The following RAB21 variants were observed in gnomAD, a reference collection of about 807,000 sequenced individuals.
The protein encoded by RAB21 is ras-related protein Rab-21.
Under a neutral mutation model 33.1 loss-of-function variants are expected in RAB21, and 13 were observed. The observed-to-expected ratio is 0.39, with a 90% CI of 0.26 to 0.62. RAB21 has a LOEUF of 0.62. Among genes scored for constraint, RAB21 ranks in the 20% least tolerant of loss-of-function variants. The pLI is 0.48. For missense variants in RAB21, 234 were observed against 279.1 expected, an observed-to-expected ratio of 0.84 and a Z score of 1.15; for synonymous variants, 91 against 103.7, an observed-to-expected ratio of 0.88 and a Z score of 0.74.
At chr12:71,763,839 G>T (rs570602709) in intron 1 of RAB21, among the ~76,000 whole-genome samples, 3 of 152,232 alleles carry the variant, frequency 2.0e-5, no homozygotes, top group Admixed American at 6.5e-5. Flanking sequence ...ATGTGTGTAT[G>T]TCCTAGAATA....
intron 4 of RAB21, among the ~76,000 whole-genome samples, chr12:71,775,172 AC>A (rs1350258833): frequency 6.6e-6 from 1 of 152,150 alleles, no homozygotes; most frequent in Non-Finnish European, 1.5e-5. Flanking sequence ...CTGTGATATC[AC>A]AAGTATTGAA....
rs1883474229 is a variant in RAB21, at chr12:71,797,144, A to G, written c.*11471A>G. The G allele has an allele frequency of 6.6e-6, 1 of 152,210 alleles. No individual in the cohort carries two copies. The highest frequency in any genetic ancestry group is 2.4e-5 in the African/African-American group (1 of 41,464). The allele number at this position is 152,210 out of a possible 1,614,324, so 9.4% of individuals were successfully genotyped here. The stretch of plus-strand genomic sequence containing the variant: ...TGTACTACTATAATTAATGTCCTCA[A>G]GGAACTTAAAAACCTATTGGAAGAT... On this transcript the variant is annotated 3_prime_UTR_variant, in exon 7 of 7. Coordinates refer to ENST00000261263, the MANE Select transcript of RAB21 (RefSeq NM_014999.4).
chr12:71,756,503 T>C (rs1003774068), intron 1 of RAB21, among the ~76,000 whole-genome samples: 3 of 152,220 alleles, frequency 2.0e-5, no homozygotes, highest in Non-Finnish European at 4.4e-5. Context: ...ATTATTAAAC[T>C]ACTGAGTCTA....
At chr12:71,772,072 T>A (rs987252728) in intron 3 of RAB21, among the ~76,000 whole-genome samples, 1 of 152,122 alleles carries the variant, frequency 6.6e-6, no homozygotes, top group Non-Finnish European at 1.5e-5. Context: ...AAACAATAAT[T>A]TATTATTTCT....
rs1197677450 is a variant in RAB21 at position 71,796,598 on chromosome 12, G to A, written c.*10925G>A. The A allele has an allele frequency of 7.3e-6, 1 of 136,824 alleles. No individual in the cohort carries two copies. Among genetic ancestry groups the A allele is most frequent in the Admixed American group, 7.5e-5 (1 of 13,280 alleles). The allele number at this position is 136,824 out of a possible 1,614,324, so 8.5% of individuals were successfully genotyped here. ...GACTTATTATCTTGTATAGTTTGTAGCATTTAATCTTCTATTTCAGTGATT... is the reference window on the plus strand; with the variant it reads ...GACTTATTATCTTGTATAGTTTGTAACATTTAATCTTCTATTTCAGTGATT... On this transcript the variant is annotated 3_prime_UTR_variant, in exon 7 of 7. Transcript: ENST00000261263.
Position 71,755,163 on chromosome 12 carries a change from G to C in RAB21, c.34G>C (p.Ala12Pro), listed in dbSNP as rs770090257. The change falls in exon 1 of 7, where the codon GCG (alanine) becomes CCG (proline). Residue 12 changes from alanine (A) to proline (P), a missense_variant. Transcript: ENST00000261263. ...AAAGGGGGGA[A>P]AAGRAYSFKV... ...GGCCGGCGGCGGCGGCGGCGGGGCG[G>C]CGGCGGCGGGCCGAGCCTACTCGTT... 3.0e-6 allele frequency: 4 copies of C among 1,314,696 alleles called. No individual in the cohort carries two copies. The highest frequency in any genetic ancestry group is 3.9e-6 in the Non-Finnish European group (4 of 1,032,238). The allele number at this position is 1,314,696 out of a possible 1,614,324, so 81.4% of individuals were successfully genotyped here.
intron 5 of RAB21, 76 bp from the exon 6 acceptor site, chr12:71,782,492 CTG>C: frequency 4.2e-6 from 4 of 947,220 alleles, no homozygotes; most frequent in Non-Finnish European, 6.3e-6. Flanking sequence ...GTCACTAAAA[CTG>C]TTACTATAAA....
intron 1 of RAB21, among the ~76,000 whole-genome samples, chr12:71,763,091 TA>T (rs1882902004): frequency 1.1e-5 from 1 of 90,640 alleles, no homozygotes. Context: ...CAAGAATATT[TA>T]TTTTGCACGC....
chr12:71,790,471 A>G lies in RAB21; in HGVS notation c.*4798A>G, dbSNP rs541836073. 5 of 152,322 alleles carry G rather than the reference A, an allele frequency of 3.3e-5. No homozygotes were observed. The East Asian group carries it at 7.7e-4, about 23-fold the overall frequency. 9.4% of individuals were successfully genotyped at this position (152,322 alleles called of 1,614,324 possible). On this transcript the variant is annotated 3_prime_UTR_variant, in exon 7 of 7. Coordinates refer to ENST00000261263, the MANE Select transcript of RAB21 (RefSeq NM_014999.4). ...AAAGAAGTGGTATCTGCTAAACTCT[A>G]GCTTTAGTAGCAAGCTATTTTAAGG...
At chr12:71,783,838 C>G (rs1883239439) in intron 6 of RAB21, among the ~76,000 whole-genome samples, 1 of 152,018 alleles carries the variant, frequency 6.6e-6, no homozygotes. Context: ...TCAGGATATC[C>G]TCCTTCCTTA....
chr12:71,787,168 A>G lies in RAB21; in HGVS notation c.*1495A>G, dbSNP rs1883306930. 6.6e-6 allele frequency: 1 copy of G among 152,238 alleles called. No individual in the cohort carries two copies. Among genetic ancestry groups the G allele is most frequent in the Non-Finnish European group, 1.5e-5 (1 of 68,044 alleles). 9.4% of individuals were successfully genotyped at this position (152,238 alleles called of 1,614,324 possible). A position where few individuals can be genotyped will look rare whatever the true frequency, so the allele number is the denominator to read the frequency against. The stretch of plus-strand genomic sequence containing the variant: ...ATCCTGAGTTTCTGTGGATGGAAAC[A>G]TTACATGTAATGCAGATATAGTGAA... On this transcript the variant is annotated 3_prime_UTR_variant, in exon 7 of 7. Transcript: ENST00000261263.
intron 4 of RAB21, among the ~76,000 whole-genome samples, chr12:71,778,724 A>T (rs1883155533): frequency 2.6e-5 from 4 of 152,226 alleles, no homozygotes; most frequent in Admixed American, 6.5e-5. Flanking sequence ...TGCAGAATGG[A>T]GTGCTATGAG....
intron 1 of RAB21, among the ~76,000 whole-genome samples, chr12:71,765,323 G>A (rs1293388412): frequency 6.6e-6 from 1 of 152,030 alleles, no homozygotes; most frequent in Non-Finnish European, 1.5e-5. Flanking sequence ...TTGCTGATAT[G>A]TTTGAGTTCC....
At chr12:71,774,056 C>T (rs772943630) in intron 4 of RAB21, 34 bp downstream of exon 4, 3 of 1,403,390 alleles carry the variant, frequency 2.1e-6, no homozygotes, top group South Asian at 2.6e-5. Context: ...AAAAAAAAGT[C>T]CTCTGTTTCC....
intron 1 of RAB21, among the ~76,000 whole-genome samples, chr12:71,767,492 T>C (rs569996567): frequency 6.6e-6 from 1 of 151,646 alleles, no homozygotes; most frequent in African/African-American, 2.4e-5. Context: ...TGTTGTGGGG[T>C]TTTTTTTGTT....
chr12:71,778,771 G>A (rs1883156212), intron 4 of RAB21, among the ~76,000 whole-genome samples: 1 of 152,202 alleles, frequency 6.6e-6, no homozygotes. Context: ...GGGGTGCAAG[G>A]GGGAGATAAG....
intron 1 of RAB21, among the ~76,000 whole-genome samples, chr12:71,759,974 A>G (rs899940717): frequency 3.3e-5 from 5 of 152,262 alleles, no homozygotes; most frequent in Non-Finnish European, 7.3e-5. Flanking sequence ...CGTCATATGT[A>G]AAGCTACTAG....
chr12:71,760,998 A>G (rs1882864833), intron 1 of RAB21, among the ~76,000 whole-genome samples: 3 of 151,922 alleles, frequency 2.0e-5, no homozygotes, highest in Admixed American at 2.0e-4. Flanking sequence ...TGAGGACACA[A>G]GTTCAAGACC....
intron 3 of RAB21, 77 bp from the exon 4 acceptor site, chr12:71,773,882 T>C: frequency 4.2e-6 from 4 of 946,066 alleles, no homozygotes; most frequent in Non-Finnish European, 6.6e-6. Context: ...ATTTTGACAG[T>C]GTTGAGTTTT....
Sources: allele counts gnomAD v4.1 joint callset (sites outside exome capture counted in the v4.1 genomes callset), GRCh38; gene constraint gnomAD v4.1.1; transcripts MANE v1.5; gene names NCBI Gene and HGNC (gene_info 2026-07-23, HGNC 2026-07-21).